HYDIN: variants seen among roughly 807,000 people sequenced by gnomAD.
The protein encoded by HYDIN is axonemal central pair apparatus protein HYDIN.
HYDIN carries 132 observed loss-of-function variants against 403.9 expected under a neutral mutation model. The ratio of observed to expected loss-of-function variants is 0.33; its 90% confidence interval spans 0.28 to 0.38. HYDIN has a LOEUF of 0.38. Among genes scored for constraint, HYDIN ranks in the 10% least tolerant of loss-of-function variants. HYDIN has a pLI of 1.00. For synonymous variants in HYDIN, 1,202 were observed against 1,891.7 expected (o/e 0.64, Z 9.46); for missense variants, 2,827 against 5,009.5 (o/e 0.56, Z 13.15).
At chr16:71,045,216 C>T (rs1168440588) in intron 18 of HYDIN, among the ~76,000 whole-genome samples, 7 of 152,158 alleles carry the variant, frequency 4.6e-5, no homozygotes, top group Non-Finnish European at 1.0e-4. Flanking sequence ...GCATACATCT[C>T]TTGGTTTTTT....
chr16:71,072,321 T>C (rs1445315441), intron 13 of HYDIN, among the ~76,000 whole-genome samples: 1 of 149,000 alleles, frequency 6.7e-6, no homozygotes, highest in African/African-American at 2.5e-5. Flanking sequence ...ACAAGTGGGA[T>C]GTGAGTCTCT....
intron 27 of HYDIN, among the ~76,000 whole-genome samples, chr16:70,985,794 T>C (rs1164727191): frequency 6.6e-6 from 1 of 151,896 alleles, no homozygotes; most frequent in Non-Finnish European, 1.5e-5. Context: ...GATGAGTTCA[T>C]GTCTTTGTGG....
chr16:71,028,777 C>T (rs1301981716), intron 19 of HYDIN, among the ~76,000 whole-genome samples: 1 of 152,100 alleles, frequency 6.6e-6, no homozygotes, highest in East Asian at 1.9e-4. Context: ...CCATTTCTAG[C>T]TACATATGTT....
chr16:71,029,872 G>A (rs985178442), intron 19 of HYDIN, among the ~76,000 whole-genome samples: 1 of 151,966 alleles, frequency 6.6e-6, no homozygotes, highest in African/African-American at 2.4e-5. Context: ...TGATTTCAGG[G>A]CCTGTGAGCC....
chr16:70,908,682 G>T lies in HYDIN; in HGVS notation c.8184C>A (p.Asn2728Lys), dbSNP rs749067771. Reference protein sequence around the residue: ...QLSDTDLDNFNGQHSQEKFTR... With the variant: ...QLSDTDLDNFKGQHSQEKFTR... ...TGAATTTCTCCTGGGAGTGCTGCCCGTTGAAGTTGTCCAGGTCTGTATCTG... is the reference window on the plus strand; with the variant it reads ...TGAATTTCTCCTGGGAGTGCTGCCCTTTGAAGTTGTCCAGGTCTGTATCTG... The change falls in exon 48 of 86, where the codon AAC (asparagine) becomes AAA (lysine). Residue 2728 changes from asparagine to lysine, a missense_variant. Transcript: ENST00000393567. 6.9e-6 allele frequency: 11 copies of T among 1,603,514 alleles called. 1 individual carries two copies. The South Asian group carries it at 1.0e-4, about 15-fold the overall frequency.
At position 70,833,038 on chromosome 16, in the gene HYDIN, G is replaced by A. The variant is rs747739111; in HGVS notation, c.13709C>T (p.Pro4570Leu). ...TTCTTCTGGGCTAATGGAGAAATGAGGCTCAAATTTTTTGATGTCCCATTT... is the reference window on the plus strand; with the variant it reads ...TTCTTCTGGGCTAATGGAGAAATGAAGCTCAAATTTTTTGATGTCCCATTT... The part of the protein sequence containing the change: ...RFKWDIKKFE[P>L]HFSISPEEGY... Residue 4570 changes from proline (P) to leucine (L), a missense_variant, in exon 80 of 86, where the codon CCT becomes CTT. Coordinates refer to ENST00000393567, the MANE Select transcript of HYDIN (RefSeq NM_001270974.2). The A allele has an allele frequency of 4.3e-6, 7 of 1,613,142 alleles. No individual in the cohort carries two copies. The highest frequency in any genetic ancestry group is 1.6e-4 in the Middle Eastern group (1 of 6,082).
chr16:71,041,182 TAAC>T (rs1408099169), intron 18 of HYDIN, among the ~76,000 whole-genome samples: 3 of 148,432 alleles, frequency 2.0e-5, no homozygotes, highest in Non-Finnish European at 4.5e-5. Context: ...CAAACTTAAA[TAAC>T]AACAAAATAT....
intron 11 of HYDIN, among the ~76,000 whole-genome samples, chr16:71,090,825 C>G (rs930524875): frequency 4.0e-5 from 6 of 150,048 alleles, no homozygotes; most frequent in African/African-American, 1.5e-4. Flanking sequence ...ATTTATATCC[C>G]CAGTGCCTAA....
chr16:70,934,095 C>T (rs1381433712), intron 45 of HYDIN, among the ~76,000 whole-genome samples: 1 of 152,094 alleles, frequency 6.6e-6, no homozygotes. Flanking sequence ...GTACGATCCA[C>T]AGTGTGAAGC....
intron 58 of HYDIN, among the ~76,000 whole-genome samples, chr16:70,886,757 A>G (rs184995581): frequency 1.1e-4 from 16 of 152,172 alleles, no homozygotes; most frequent in African/African-American, 3.1e-4. Flanking sequence ...TTGGGTCTCT[A>G]TGGTTTTTGT....
chr16:70,934,614 G>A (rs1022638772), intron 45 of HYDIN, among the ~76,000 whole-genome samples: 33 of 151,902 alleles, frequency 2.2e-4, no homozygotes, highest in Non-Finnish European at 5.9e-5. Context: ...AGAGTCTCAA[G>A]AAGTCCCCCT....
chr16:70,824,943 G>A (rs8059864), intron 83 of HYDIN, among the ~76,000 whole-genome samples: 4,035 of 151,662 alleles, frequency 0.027, 166 homozygotes, highest in African/African-American at 0.091. Context: ...TCAATCTCCT[G>A]GGCTCAATCA....
In HYDIN at chr16:70,896,317, A is replaced by G. The variant is rs2076201890; in HGVS notation, c.9049-237T>C. Among the ~76,000 whole-genome samples, 4 of 151,790 alleles carry G rather than the reference A, an allele frequency of 2.6e-5. No homozygotes were observed. In the South Asian group the frequency reaches 8.4e-4, roughly 32 times the overall value. ...GGACTGACTTTTTTATTGTTGCTAC[A>G]TTACTGAAGTTTGGGCTTGGGGTAG... On this transcript the variant is annotated intron_variant, in intron 53 of 85. Coordinates refer to ENST00000393567, the MANE Select transcript of HYDIN (RefSeq NM_001270974.2).
chr16:70,881,248 G>T (rs1471795731), intron 60 of HYDIN, among the ~76,000 whole-genome samples: 1 of 133,758 alleles, frequency 7.5e-6, no homozygotes, highest in African/African-American at 3.3e-5. Context: ...AAAAAAATCA[G>T]TCTTCCTCAC....
chr16:71,155,119 TAGAG>T (rs1017939600), intron 6 of HYDIN, among the ~76,000 whole-genome samples: 1 of 121,834 alleles, frequency 8.2e-6, no homozygotes, highest in Non-Finnish European at 1.7e-5. Flanking sequence ...CACACTGCTC[TAGAG>T]AGAGTGTAAA....
chr16:71,158,880 G>A (rs1299783781), intron 6 of HYDIN, among the ~76,000 whole-genome samples: 9 of 135,092 alleles, frequency 6.7e-5, no homozygotes, highest in East Asian at 4.3e-4. Flanking sequence ...TTGTAGAGAC[G>A]GGGTTTTACC....
intron 12 of HYDIN, among the ~76,000 whole-genome samples, chr16:71,081,337 C>T (rs1012740133): frequency 1.3e-5 from 2 of 150,992 alleles, no homozygotes; most frequent in Non-Finnish European, 3.0e-5. Flanking sequence ...TCAGGTCTAA[C>T]TTTCTCATGA....
At chr16:71,195,550 T>C (rs942918922) in intron 1 of HYDIN, among the ~76,000 whole-genome samples, 1 of 152,222 alleles carries the variant, frequency 6.6e-6, no homozygotes, top group African/African-American at 2.4e-5. Flanking sequence ...TAAGGATTAA[T>C]TTTCACTTTT....
At position 70,872,079 on chromosome 16, in the gene HYDIN, C is replaced by G; in HGVS notation, c.11049G>C (p.Arg3683=). The G allele has an allele frequency of 6.4e-7, 1 of 1,563,784 alleles. No individual in the cohort carries two copies. Among genetic ancestry groups the G allele is most frequent in the South Asian group, 1.2e-5 (1 of 81,198 alleles). Residue 3683 remains arginine, a synonymous_variant, in exon 65 of 86, where the codon CGG becomes CGC. Transcript: ENST00000393567. The part of the protein sequence containing the change: ...VTNHSQVNLI[R]FEWPVSATIA... ...TTGTAGCTGAAACAGGCCATTCAAACCGTATCAAGTTCACTTGGCTGTGAT... is the reference window on the plus strand; with the variant it reads ...TTGTAGCTGAAACAGGCCATTCAAAGCGTATCAAGTTCACTTGGCTGTGAT...
Sources: gnomAD v4.1 joint callset for allele counts (sites outside exome capture counted in the v4.1 genomes callset) on GRCh38, gnomAD v4.1.1 for gene constraint, MANE v1.5 for transcripts, NCBI Gene and HGNC (gene_info 2026-07-23, HGNC 2026-07-21) for gene names.